Variants in COX10 observed in about 807,000 individuals in gnomAD.
COX10 encodes cytochrome c oxidase assembly factor heme A:farnesyltransferase COX10.
Under a neutral mutation model 37.3 loss-of-function variants are expected in COX10, and 27 were observed. The observed-to-expected ratio is 0.72, with a 90% CI of 0.53 to 1.00. The LOEUF (loss-of-function observed/expected upper bound fraction) is 1.00. Among genes scored for constraint, COX10 ranks in the 50% least tolerant of loss-of-function variants. COX10 has a pLI of 0.00. For synonymous variants in COX10, 222 were observed against 229.1 expected (o/e 0.97, Z 0.28); for missense variants, 475 against 563.2 (o/e 0.84, Z 1.59).
At chr17:14,108,857 T>C (rs1191498835) in intron 4 of COX10, among the ~76,000 whole-genome samples, 1 of 152,184 alleles carries the variant, frequency 6.6e-6, no homozygotes, top group Non-Finnish European at 1.5e-5. Flanking sequence ...ATGTTTCTTG[T>C]GTTTTGACTA....
chr17:14,089,832 TAATGG>T (rs2142191819), intron 3 of COX10, among the ~76,000 whole-genome samples: 1 of 152,248 alleles, frequency 6.6e-6, no homozygotes, highest in African/African-American at 2.4e-5. Context: ...TTGTGTATTT[TAATGG>T]TCCCCATAGC....
At chr17:14,199,777 T>C (rs1906491408) in intron 6 of COX10, among the ~76,000 whole-genome samples, 1 of 152,232 alleles carries the variant, frequency 6.6e-6, no homozygotes, top group African/African-American at 2.4e-5. Context: ...CATAGAAGTC[T>C]ATTGCACTGT....
intron 4 of COX10, among the ~76,000 whole-genome samples, chr17:14,121,023 T>C (rs1268330343): frequency 6.6e-6 from 1 of 152,216 alleles, no homozygotes; most frequent in African/African-American, 2.4e-5. Flanking sequence ...CCTGGGTGAA[T>C]GTGTCATGCT....
intron 6 of COX10, among the ~76,000 whole-genome samples, chr17:14,199,294 G>A (rs983146355): frequency 1.3e-5 from 2 of 152,190 alleles, no homozygotes; most frequent in African/African-American, 4.8e-5. Context: ...GGTGCCTGGA[G>A]CAGAGTGCAC....
chr17:14,145,577 G>A (rs1904688551), intron 4 of COX10, among the ~76,000 whole-genome samples: 1 of 152,114 alleles, frequency 6.6e-6, no homozygotes, highest in Admixed American at 6.6e-5. Context: ...AAAGAAAAGA[G>A]CCTAGAGAGG....
chr17:14,083,272 G>A (rs568026510), intron 3 of COX10, among the ~76,000 whole-genome samples: 68 of 152,288 alleles, frequency 4.5e-4, no homozygotes, highest in South Asian at 1.5e-3. Flanking sequence ...CCCTTTGGGT[G>A]ACCCCTACCC....
chr17:14,084,505 C>T (rs563191922), intron 3 of COX10, among the ~76,000 whole-genome samples: 1 of 152,138 alleles, frequency 6.6e-6, no homozygotes, highest in South Asian at 2.1e-4. Flanking sequence ...AGCGTAAATG[C>T]CTTCTGTGAC....
intron 4 of COX10, among the ~76,000 whole-genome samples, chr17:14,142,681 T>A (rs1332833422): frequency 2.0e-5 from 3 of 152,352 alleles, no homozygotes; most frequent in East Asian, 1.9e-4. Flanking sequence ...AATTTCTATC[T>A]ATGTATAGAA....
chr17:14,154,308 G>A (rs1904985545), intron 4 of COX10, among the ~76,000 whole-genome samples: 1 of 152,192 alleles, frequency 6.6e-6, no homozygotes, highest in Non-Finnish European at 1.5e-5. Context: ...AGTTATGACT[G>A]TTAAAAAGAG....
intron 4 of COX10, among the ~76,000 whole-genome samples, chr17:14,110,463 A>G (rs571520629): frequency 2.0e-5 from 3 of 152,044 alleles, no homozygotes; most frequent in Admixed American, 6.6e-5. Context: ...AAATGATACA[A>G]TGTGGACTTG....
chr17:14,074,004 TTGAC>T (rs1295872686), intron 1 of COX10, among the ~76,000 whole-genome samples: 1 of 152,174 alleles, frequency 6.6e-6, no homozygotes, highest in East Asian at 1.9e-4. Context: ...TTTTGAAAAA[TTGAC>T]TGAACGGGTT....
chr17:14,092,473 A>G (rs1278768754), intron 3 of COX10, among the ~76,000 whole-genome samples: 1 of 152,136 alleles, frequency 6.6e-6, no homozygotes, highest in Non-Finnish European at 1.5e-5. Context: ...ACCTGTATTA[A>G]AAGTCTTATC....
intron 4 of COX10, among the ~76,000 whole-genome samples, chr17:14,150,610 A>G (rs1201655202): frequency 6.6e-6 from 1 of 152,196 alleles, no homozygotes; most frequent in Non-Finnish European, 1.5e-5. Flanking sequence ...TTCATAGACA[A>G]CTAAGAGAAA....
chr17:14,084,647 G>A (rs896693501), intron 3 of COX10, among the ~76,000 whole-genome samples: 1 of 152,038 alleles, frequency 6.6e-6, no homozygotes, highest in East Asian at 1.9e-4. Flanking sequence ...GTCCCTTCAG[G>A]CCATGCAATA....
chr17:14,096,261 T>C (rs1002903), intron 3 of COX10, among the ~76,000 whole-genome samples: 49,150 of 151,980 alleles, frequency 0.32, 8,516 homozygotes, highest in African/African-American at 0.44. Flanking sequence ...ACTGCCACAT[T>C]GGGGATTAAG....
In COX10 at chr17:14,207,247, G is replaced by A. The variant is rs757407927; in HGVS notation, c.*34G>A. The A allele has an allele frequency of 1.7e-4, 259 of 1,530,178 alleles. No homozygotes were observed. Among genetic ancestry groups the A allele is most frequent in the Non-Finnish European group, 2.1e-4 (235 of 1,142,652 alleles). 94.8% of individuals were successfully genotyped at this position (1,530,178 alleles called of 1,614,324 possible). On this transcript the variant is annotated 3_prime_UTR_variant, in exon 7 of 7. Coordinates refer to ENST00000261643, the MANE Select transcript of COX10 (RefSeq NM_001303.4). ...GGACGCCCACCGCCCCTTTCCCTCCGCTGCCAGGCGAGCATGTTGTGGTAA... is the reference window on the plus strand; with the variant it reads ...GGACGCCCACCGCCCCTTTCCCTCCACTGCCAGGCGAGCATGTTGTGGTAA...
intron 4 of COX10, among the ~76,000 whole-genome samples, chr17:14,129,279 AATAACAC>A (rs1916412438): frequency 6.6e-6 from 1 of 151,896 alleles, no homozygotes; most frequent in East Asian, 1.9e-4. Context: ...TCTTTACTGA[AATAACAC>A]TTTATATTTC....
At chr17:14,199,911 C>T (rs112530605) in intron 6 of COX10, among the ~76,000 whole-genome samples, 1 of 152,178 alleles carries the variant, frequency 6.6e-6, no homozygotes, top group Non-Finnish European at 1.5e-5. Flanking sequence ...TACATAACCA[C>T]ATAACCCTAA....
chr17:14,182,154 C>T (rs1019322780), intron 5 of COX10: 37 of 981,884 alleles, frequency 3.8e-5, no homozygotes, highest in Middle Eastern at 5.2e-4. Flanking sequence ...CTGCGCCGAA[C>T]ATCATGATGC....
Sources: gnomAD v4.1 joint callset for allele counts (sites outside exome capture counted in the v4.1 genomes callset) on GRCh38, gnomAD v4.1.1 for gene constraint, MANE v1.5 for transcripts, NCBI Gene and HGNC (gene_info 2026-07-23, HGNC 2026-07-21) for gene names.